KPNA6: variants seen among roughly 807,000 people sequenced by gnomAD.
The protein encoded by KPNA6 is karyopherin subunit alpha 6.
KPNA6 carries 9 observed loss-of-function variants against 72.0 expected under a neutral mutation model. The observed-to-expected ratio is 0.13, with a 90% CI of 0.08 to 0.22. KPNA6 has a LOEUF of 0.22. Among genes scored for constraint, KPNA6 ranks in the 10% least tolerant of loss-of-function variants. The pLI is 1.00. For missense variants in KPNA6, 374 were observed against 655.7 expected (o/e 0.57, Z 4.69); for synonymous variants, 219 against 242.1 (o/e 0.90, Z 0.89).
chr1:32,122,715 G>C (rs1641456022), intron 1 of KPNA6, among the ~76,000 whole-genome samples: 1 of 152,094 alleles, frequency 6.6e-6, no homozygotes, highest in South Asian at 2.1e-4. Flanking sequence ...TAGTACTTTG[G>C]GAGGCCGAGG....
intron 1 of KPNA6, among the ~76,000 whole-genome samples, chr1:32,122,299 G>A (rs78050505): frequency 0.028 from 3,938 of 139,484 alleles, 177 homozygotes; most frequent in African/African-American, 0.097. Flanking sequence ...GAAACAAAAC[G>A]AAAAAAAAGC....
intron 9 of KPNA6, 70 bp downstream of exon 9, chr1:32,162,594 T>G: frequency 4.5e-6 from 7 of 1,555,802 alleles, no homozygotes; most frequent in Non-Finnish European, 6.2e-6. Context: ...CCCAGCACTT[T>G]GGGATGCCAA....
At chr1:32,115,037 G>C (rs898841593) in intron 1 of KPNA6, among the ~76,000 whole-genome samples, 2 of 151,980 alleles carry the variant, frequency 1.3e-5, no homozygotes, top group Non-Finnish European at 2.9e-5. Flanking sequence ...ACAGTGTTTC[G>C]CCGTGTTGGC....
chr1:32,132,730 C>T (rs1044596396), intron 1 of KPNA6, among the ~76,000 whole-genome samples: 3 of 152,182 alleles, frequency 2.0e-5, no homozygotes, highest in Middle Eastern at 3.4e-3. Context: ...GGTGAAACCC[C>T]GTCTCTACTA....
Position 32,163,125 on chromosome 1 carries a change from A to G in KPNA6, c.912-110A>G, listed in dbSNP as rs924833340. On this transcript the variant is annotated intron_variant, in intron 9 of 13. Coordinates refer to ENST00000373625, the MANE Select transcript of KPNA6 (RefSeq NM_012316.5). ...TCTCAAAAAAAAAAGAAAAAAGAAA[A>G]AAAAAGGGTACAGGTTCCTTAAGCT... 7.9e-5 allele frequency: 55 copies of G among 700,264 alleles called. 1 individual carries two copies. In the Admixed American group the frequency reaches 1.3e-3, roughly 17 times the overall value. 43.4% of individuals were successfully genotyped at this position (700,264 alleles called of 1,614,324 possible).
chr1:32,117,478 G>GT (rs763949374), intron 1 of KPNA6, among the ~76,000 whole-genome samples: 18,683 of 140,434 alleles, frequency 0.13, 1,326 homozygotes, highest in South Asian at 0.28. Flanking sequence ...GGCCCAATTT[G>GT]TTTTTTTTTT....
At chr1:32,167,514 A>G (rs557063771) in intron 12 of KPNA6, among the ~76,000 whole-genome samples, 3 of 152,064 alleles carry the variant, frequency 2.0e-5, no homozygotes, top group South Asian at 2.1e-4. Flanking sequence ...CAGTGACACT[A>G]TAACAGTTTA....
At chr1:32,159,057 A>C (rs1642193152) in intron 5 of KPNA6, among the ~76,000 whole-genome samples, 1 of 152,294 alleles carries the variant, frequency 6.6e-6, no homozygotes, top group African/African-American at 2.4e-5. Context: ...TCATTTCAGA[A>C]ATGAAGAAAG....
intron 2 of KPNA6, 32 bp downstream of exon 2, chr1:32,154,753 A>G (rs377421750): frequency 3.0e-5 from 48 of 1,611,468 alleles, no homozygotes; most frequent in Admixed American, 2.2e-4. Context: ...CAAACATACT[A>G]TTCTGGGAAA....
chr1:32,124,749 C>T (rs1471033282), intron 1 of KPNA6, among the ~76,000 whole-genome samples: 2 of 151,554 alleles, frequency 1.3e-5, no homozygotes, highest in Non-Finnish European at 2.9e-5. Flanking sequence ...TCAGGCAATC[C>T]TTCCGCCTTG....
intron 4 of KPNA6, 85 bp from the exon 5 acceptor site, chr1:32,158,182 T>C: frequency 1.2e-6 from 1 of 827,072 alleles, no homozygotes; most frequent in East Asian, 2.5e-5. Context: ...GTCAGAAGTG[T>C]CTAAGAAGGA....
intron 2 of KPNA6, among the ~76,000 whole-genome samples, chr1:32,155,378 A>G (rs181358767): frequency 4.7e-4 from 66 of 139,440 alleles, no homozygotes; most frequent in African/African-American, 1.6e-3. Flanking sequence ...CTGGAGTGCA[A>G]TGGCACGATC....
At chr1:32,113,693 C>G (rs191892983) in intron 1 of KPNA6, among the ~76,000 whole-genome samples, 15 of 152,142 alleles carry the variant, frequency 9.9e-5, no homozygotes, top group African/African-American at 3.4e-4. Context: ...CCTGCCTTAG[C>G]CTCCCAAAGT....
rs1207131989 is a variant in KPNA6, at chr1:32,159,427, A to G, written c.454A>G (p.Ile152Val). The part of the protein sequence containing the change: ...QFEAAWALTN[I>V]ASGTSQQTKI... Reference sequence around the variant, plus strand: ...TGAAGCTGCCTGGGCTCTAACGAATATTGCCTCTGGAACCTCTCAGCAGAC... The same window carrying G: ...TGAAGCTGCCTGGGCTCTAACGAATGTTGCCTCTGGAACCTCTCAGCAGAC... The change falls in exon 6 of 14, where the codon ATT (isoleucine) becomes GTT (valine). Residue 152 changes from isoleucine (I) to valine (V), a missense_variant. Transcript: ENST00000373625. 6.2e-7 allele frequency: 1 copy of G among 1,614,014 alleles called. No individual in the cohort carries two copies. Among genetic ancestry groups the G allele is most frequent in the African/African-American group, 1.3e-5 (1 of 74,918 alleles).
chr1:32,162,128 G>A (rs2124079261), intron 8 of KPNA6, 82 bp downstream of exon 8: 7 of 1,125,970 alleles, frequency 6.2e-6, no homozygotes, highest in Middle Eastern at 3.9e-4. Flanking sequence ...ACTCCTTGGA[G>A]TCTCAAATCA....
intron 1 of KPNA6, among the ~76,000 whole-genome samples, chr1:32,125,708 G>A (rs1641519714): frequency 6.6e-6 from 1 of 152,046 alleles, no homozygotes; most frequent in Non-Finnish European, 1.5e-5. Flanking sequence ...TATTGCCCCC[G>A]TTGAGAGTGT....
chr1:32,166,371 A>G (rs1642337774), intron 11 of KPNA6, 141 bp downstream of exon 11: 2 of 988,502 alleles, frequency 2.0e-6, no homozygotes, highest in South Asian at 1.7e-5. Flanking sequence ...TCACGCCTGT[A>G]GTCCCAGCAC....
intron 1 of KPNA6, among the ~76,000 whole-genome samples, chr1:32,146,948 C>T (rs1176199497): frequency 5.3e-5 from 8 of 152,146 alleles, no homozygotes; most frequent in Non-Finnish European, 1.0e-4. Context: ...CAGCCTGAAC[C>T]TCCCAGGTTC....
At chr1:32,134,435 G>A (rs374139285) in intron 1 of KPNA6, among the ~76,000 whole-genome samples, 8 of 151,870 alleles carry the variant, frequency 5.3e-5, no homozygotes, top group African/African-American at 1.9e-4. Context: ...GAGCCCAGGA[G>A]TTCAAGACCA....
Sources: allele counts gnomAD v4.1 joint callset (sites outside exome capture counted in the v4.1 genomes callset), GRCh38; gene constraint gnomAD v4.1.1; transcripts MANE v1.5; gene names NCBI Gene and HGNC (gene_info 2026-07-23, HGNC 2026-07-21).